The following CDH13 variants were observed in gnomAD, a reference collection of about 807,000 sequenced individuals.
The protein encoded by CDH13 is cadherin-13.
CDH13 carries 24 observed loss-of-function variants against 63.8 expected under a neutral mutation model. That is an observed-to-expected ratio of 0.38 (90% CI 0.27 to 0.53). The LOEUF (loss-of-function observed/expected upper bound fraction) is 0.53. Among genes scored for constraint, CDH13 ranks in the 20% least tolerant of loss-of-function variants. The pLI, the probability that CDH13 is intolerant of heterozygous loss-of-function variation, is 0.85. For missense variants in CDH13, 1,049 were observed against 903.1 expected (o/e 1.16, Z -2.07); for synonymous variants, 503 against 355.3 (o/e 1.42, Z -4.67).
intron 1 of CDH13, among the ~76,000 whole-genome samples, chr16:82,634,937 C>T (rs149435694): frequency 6.6e-6 from 1 of 152,334 alleles, no homozygotes. Context: ...GTGCAGGATA[C>T]AGTTGCTCAT....
intron 1 of CDH13, among the ~76,000 whole-genome samples, chr16:82,819,985 T>G (rs2151093193): frequency 6.6e-6 from 1 of 152,152 alleles, no homozygotes; most frequent in Non-Finnish European, 1.5e-5. Context: ...TGAGAAGTGG[T>G]TCCGAGAGAC....
At chr16:83,693,350 A>C (rs960369648) in intron 10 of CDH13, among the ~76,000 whole-genome samples, 1 of 152,254 alleles carries the variant, frequency 6.6e-6, no homozygotes, top group Non-Finnish European at 1.5e-5. Flanking sequence ...CATTAAATTA[A>C]CTGATTCGCA....
intron 5 of CDH13, among the ~76,000 whole-genome samples, chr16:83,241,642 A>G (rs7194794): frequency 0.99 from 150,685 of 152,316 alleles, 74,559 homozygotes; most frequent in Middle Eastern, 1. Context: ...TTGGAGAATT[A>G]TCTATTCAGG....
chr16:83,479,823 G>C (rs1236995448), intron 6 of CDH13, among the ~76,000 whole-genome samples: 2 of 152,216 alleles, frequency 1.3e-5, no homozygotes, highest in Non-Finnish European at 2.9e-5. Context: ...TATTACAATG[G>C]CTTGTGCCCT....
chr16:83,665,364 C>G (rs943343502), intron 8 of CDH13, among the ~76,000 whole-genome samples: 3 of 152,152 alleles, frequency 2.0e-5, no homozygotes, highest in Non-Finnish European at 4.4e-5. Flanking sequence ...CAAATACTGA[C>G]TCCTTGTTAT....
intron 1 of CDH13, among the ~76,000 whole-genome samples, chr16:82,752,201 G>A (rs2034444601): frequency 6.6e-6 from 1 of 152,204 alleles, no homozygotes; most frequent in Non-Finnish European, 1.5e-5. Flanking sequence ...TATGTAAATA[G>A]GATGGCCTGA....
At chr16:82,668,871 C>T (rs1379495818) in intron 1 of CDH13, among the ~76,000 whole-genome samples, 1 of 152,186 alleles carries the variant, frequency 6.6e-6, no homozygotes, top group Non-Finnish European at 1.5e-5. Flanking sequence ...CCTGTACCTT[C>T]CTGGACTTCA....
chr16:83,396,226 G>C (rs564257602), intron 6 of CDH13, among the ~76,000 whole-genome samples: 2 of 152,260 alleles, frequency 1.3e-5, no homozygotes, highest in Admixed American at 1.3e-4. Context: ...CCGTGCCTTT[G>C]CTATTGTGTT....
Position 83,274,723 on chromosome 16 carries a change from GGC to G in CDH13, c.636+57227_636+57228del, listed in dbSNP as rs1491103895. Among the ~76,000 whole-genome samples, 1,390 of 151,478 alleles carry G rather than the reference GGC, an allele frequency of 9.2e-3. 17 individuals are homozygous for G. The highest frequency in any genetic ancestry group is 0.031 in the African/African-American group (1,298 of 41,216). ...CTGCAATGGTTCTCAAACACCTGGT[GGC>G]AGGGGGGGTGTTTATTAAATATGCA... is the stretch of plus-strand genomic sequence containing the variant. On this transcript the variant is annotated intron_variant, in intron 5 of 13. Coordinates refer to ENST00000567109, the MANE Select transcript of CDH13 (RefSeq NM_001257.5).
chr16:82,673,541 A>T (rs1913544614), intron 1 of CDH13, among the ~76,000 whole-genome samples: 1 of 152,234 alleles, frequency 6.6e-6, no homozygotes, highest in Admixed American at 6.5e-5. Context: ...AAAACCTCAC[A>T]GGTATTAGAT....
chr16:83,727,555 C>G (rs1206530383), intron 10 of CDH13, among the ~76,000 whole-genome samples: 1 of 151,810 alleles, frequency 6.6e-6, no homozygotes, highest in Non-Finnish European at 1.5e-5. Flanking sequence ...AAAGGAGAAC[C>G]TTCCAACCTT....
intron 2 of CDH13, among the ~76,000 whole-genome samples, chr16:82,893,692 G>C (rs1348270136): frequency 2.0e-5 from 3 of 152,172 alleles, no homozygotes; most frequent in Non-Finnish European, 4.4e-5. Flanking sequence ...TCTCTTCGAG[G>C]AAGTTCTACA....
chr16:82,768,167 A>G (rs1278089000), intron 1 of CDH13, among the ~76,000 whole-genome samples: 2 of 152,224 alleles, frequency 1.3e-5, no homozygotes, highest in African/African-American at 4.8e-5. Context: ...CTACACAATC[A>G]TGCAACATGT....
At chr16:83,777,984 T>G (rs183190659) in intron 11 of CDH13, among the ~76,000 whole-genome samples, 1 of 152,210 alleles carries the variant, frequency 6.6e-6, no homozygotes, top group Non-Finnish European at 1.5e-5. Flanking sequence ...AAGAAACGAT[T>G]GTACTACTGT....
rs190311715 is a variant in CDH13, at chr16:83,325,753, C to A, written c.637-19109C>A. ...CTTTGTTCTCCTAGAAGATTCTTCT[C>A]AGGGAACAAATACCTTATTTAGAAA... On this transcript the variant is annotated intron_variant, in intron 5 of 13. Transcript: ENST00000567109. Among the ~76,000 whole-genome samples the A allele has an allele frequency of 2.2e-3, 328 of 152,254 alleles. 1 individual carries two copies. Among genetic ancestry groups the A allele is most frequent in the Non-Finnish European group, 4.0e-3 (270 of 68,024 alleles).
chr16:83,427,991 C>T (rs1254974657), intron 6 of CDH13, among the ~76,000 whole-genome samples: 1 of 152,222 alleles, frequency 6.6e-6, no homozygotes, highest in African/African-American at 2.4e-5. Flanking sequence ...TGTAGCTGAT[C>T]CTCTGGTCAG....
chr16:82,680,140 A>G (rs1372661203), intron 1 of CDH13, among the ~76,000 whole-genome samples: 1 of 152,204 alleles, frequency 6.6e-6, no homozygotes, highest in African/African-American at 2.4e-5. Context: ...GCATCTGGGA[A>G]GAATCTGGGC....
intron 2 of CDH13, among the ~76,000 whole-genome samples, chr16:82,930,931 A>G (rs186408879): frequency 2.6e-5 from 4 of 152,270 alleles, no homozygotes; most frequent in Admixed American, 2.0e-4. Context: ...GCAGACTCTA[A>G]TGTTCGACTT....
At chr16:82,675,858 G>C (rs368230849) in intron 1 of CDH13, among the ~76,000 whole-genome samples, 1 of 152,170 alleles carries the variant, frequency 6.6e-6, no homozygotes, top group South Asian at 2.1e-4. Context: ...AAAGAAATGG[G>C]TATTGCTCTT....
Sources: allele counts gnomAD v4.1 joint callset (sites outside exome capture counted in the v4.1 genomes callset), GRCh38; gene constraint gnomAD v4.1.1; transcripts MANE v1.5; gene names NCBI Gene and HGNC (gene_info 2026-07-23, HGNC 2026-07-21).